CTNNA3: variants seen among roughly 807,000 people sequenced by gnomAD.
CTNNA3 encodes the protein catenin alpha 3, also known as catenin alpha-3.
CTNNA3 carries 76 observed loss-of-function variants against 95.7 expected under a neutral mutation model. The ratio of observed to expected loss-of-function variants is 0.79; its 90% CI spans 0.66 to 0.96. CTNNA3 has a LOEUF of 0.96. CTNNA3 is among the 40% of genes least tolerant of loss of function. The pLI, the probability that CTNNA3 is intolerant of heterozygous loss-of-function variation, is 0.00. For synonymous variants in CTNNA3, 431 were observed against 374.4 expected (o/e 1.15, Z -1.74); for missense variants, 1,191 against 1,089.8 (o/e 1.09, Z -1.31).
At chr10:67,514,639 A>C (rs1839750950) in intron 5 of CTNNA3, among the ~76,000 whole-genome samples, 2 of 151,960 alleles carry the variant, frequency 1.3e-5, no homozygotes, top group Admixed American at 6.6e-5. Context: ...ATGCACAAAT[A>C]AGCACCATAT....
intron 13 of CTNNA3, among the ~76,000 whole-genome samples, chr10:66,164,954 A>C (rs1175001392): frequency 1.3e-5 from 2 of 152,184 alleles, no homozygotes; most frequent in African/African-American, 4.8e-5. Flanking sequence ...ATTCAAAAAA[A>C]GAAAGAAAGG....
intron 1 of CTNNA3, among the ~76,000 whole-genome samples, chr10:67,720,129 C>CTGTTTTTTTTTTTTTT (rs1841170774): frequency 1.5e-4 from 1 of 6,614 alleles, no homozygotes; most frequent in Non-Finnish European, 3.6e-4. Context: ...GCAACCCCTG[C>CTGTTTTTTTTTTTTTT]TTTTTTTTTT....
chr10:67,420,068 C>T (rs1470586600), intron 5 of CTNNA3, among the ~76,000 whole-genome samples: 2 of 152,110 alleles, frequency 1.3e-5, no homozygotes, highest in Non-Finnish European at 2.9e-5. Context: ...GCAGGCTGGT[C>T]TCGAACTCCT....
At chr10:66,447,799 T>C (rs1414576038) in intron 11 of CTNNA3, among the ~76,000 whole-genome samples, 1 of 151,828 alleles carries the variant, frequency 6.6e-6, no homozygotes, top group African/African-American at 2.4e-5. Flanking sequence ...CCAAAAGCAA[T>C]GGCAACAAAA....
chr10:66,419,845 A>G (rs1411639793), intron 11 of CTNNA3, among the ~76,000 whole-genome samples: 3 of 152,188 alleles, frequency 2.0e-5, no homozygotes, highest in Admixed American at 6.5e-5. Flanking sequence ...AGGCAAAAGA[A>G]TGAAACTGAA....
chr10:67,315,480 TAA>T (rs879934439), intron 5 of CTNNA3, among the ~76,000 whole-genome samples: 1 of 152,148 alleles, frequency 6.6e-6, no homozygotes, highest in Non-Finnish European at 1.5e-5. Flanking sequence ...AACTATAAAC[TAA>T]ACTGATAGGC....
intron 12 of CTNNA3, among the ~76,000 whole-genome samples, chr10:66,375,893 A>G (rs1179920808): frequency 1.3e-5 from 2 of 152,186 alleles, no homozygotes; most frequent in Non-Finnish European, 2.9e-5. Flanking sequence ...TTCTGGATAC[A>G]CACTTTCCAG....
intron 7 of CTNNA3, among the ~76,000 whole-genome samples, chr10:67,030,115 C>T (rs1853627489): frequency 6.6e-6 from 1 of 152,150 alleles, no homozygotes; most frequent in Non-Finnish European, 1.5e-5. Flanking sequence ...AATCTGTTTT[C>T]AAAGTTTAGC....
At chr10:67,429,369 A>G (rs949298795) in intron 5 of CTNNA3, among the ~76,000 whole-genome samples, 1 of 152,036 alleles carries the variant, frequency 6.6e-6, no homozygotes, top group Non-Finnish European at 1.5e-5. Context: ...ACAAATTACA[A>G]TTTGACTATA....
chr10:66,667,619 A>G (rs1420911614), intron 9 of CTNNA3, among the ~76,000 whole-genome samples: 2 of 152,148 alleles, frequency 1.3e-5, no homozygotes, highest in African/African-American at 2.4e-5. Context: ...GCTCTAGTAT[A>G]CTTTCTAACA....
intron 7 of CTNNA3, among the ~76,000 whole-genome samples, chr10:67,025,039 AG>A (rs1442530764): frequency 6.6e-5 from 10 of 151,030 alleles, no homozygotes; most frequent in Non-Finnish European, 7.4e-5. Flanking sequence ...CTGAGGCAGG[AG>A]AATCACTTGA....
At chr10:67,032,792 A>C (rs1564843826) in intron 7 of CTNNA3, among the ~76,000 whole-genome samples, 1 of 152,178 alleles carries the variant, frequency 6.6e-6, no homozygotes, top group African/African-American at 2.4e-5. Context: ...ATGTGTTCTC[A>C]GTTCAATTAG....
At chr10:67,544,237 C>G (rs914243910) in intron 3 of CTNNA3, among the ~76,000 whole-genome samples, 5 of 152,134 alleles carry the variant, frequency 3.3e-5, no homozygotes, top group African/African-American at 7.2e-5. Context: ...GGGAGAATAA[C>G]AGAGACCAGA....
chr10:66,368,954 T>C (rs1249992352), intron 12 of CTNNA3, among the ~76,000 whole-genome samples: 1 of 152,148 alleles, frequency 6.6e-6, no homozygotes, highest in Non-Finnish European at 1.5e-5. Context: ...GCAGTGTTTA[T>C]AATAAATGAT....
rs376452975 is a variant in CTNNA3, at chr10:66,087,123, A to T, written c.1977+16034T>A. 2.1e-3 allele frequency among the ~76,000 whole-genome samples: 314 copies of T among 152,116 alleles called. 1 individual carries two copies. The highest frequency in any genetic ancestry group is 6.9e-3 in the African/African-American group (288 of 41,512). On this transcript the variant is annotated intron_variant, in intron 14 of 17. Transcript: ENST00000433211. ...CAGCCAGGTAAAACCTTATCTACAT[A>T]ATAAAAGATTTGTGGGCTATGTAAA...
At chr10:67,027,436 C>CTTTT (rs5785811) in intron 7 of CTNNA3, among the ~76,000 whole-genome samples, 46 of 134,350 alleles carry the variant, frequency 3.4e-4, no homozygotes, top group Middle Eastern at 4.0e-3. Context: ...TCTTTCATGA[C>CTTTT]TTTTTTTTTT....
At chr10:66,281,200 A>G (rs2091485388) in intron 12 of CTNNA3, among the ~76,000 whole-genome samples, 1 of 151,938 alleles carries the variant, frequency 6.6e-6, no homozygotes, top group Admixed American at 6.6e-5. Flanking sequence ...TCATATGAAA[A>G]CTATCTTTAA....
chr10:67,217,726 G>A (rs1433272975), intron 6 of CTNNA3, among the ~76,000 whole-genome samples: 1 of 152,168 alleles, frequency 6.6e-6, no homozygotes, highest in Admixed American at 6.5e-5. Flanking sequence ...CTAAAATACA[G>A]AATGCATTGT....
At position 67,522,475 on chromosome 10, in the gene CTNNA3, G is replaced by T. The variant is rs116565590; in HGVS notation, c.460-514C>A. Reference sequence around the variant, plus strand: ...TAGGTCACCCAACAAACTTCAGCAAGAAAGATCTCTCAGAGCTTGTATTTT... The same window carrying T: ...TAGGTCACCCAACAAACTTCAGCAATAAAGATCTCTCAGAGCTTGTATTTT... On this transcript the variant is annotated intron_variant, in intron 4 of 17. Transcript: ENST00000433211. Among the ~76,000 whole-genome samples, 359 of 152,162 alleles carry T rather than the reference G, an allele frequency of 2.4e-3. 3 individuals carry two copies. The highest frequency in any genetic ancestry group is 8.1e-3 in the African/African-American group (335 of 41,532).
Sources: gnomAD v4.1 joint callset for allele counts (sites outside exome capture counted in the v4.1 genomes callset) on GRCh38, gnomAD v4.1.1 for gene constraint, MANE v1.5 for transcripts, NCBI Gene and HGNC (gene_info 2026-07-23, HGNC 2026-07-21) for gene names.